Variants in TENM2 observed in about 807,000 individuals in gnomAD.
TENM2 encodes the protein teneurin transmembrane protein 2.
Under a neutral mutation model 245.2 loss-of-function variants are expected in TENM2, and 52 were observed. That is an observed-to-expected ratio of 0.21 (90% CI 0.17 to 0.27). The LOEUF (loss-of-function observed/expected upper bound fraction) is 0.27. TENM2 is among the 10% of genes least tolerant of loss of function. TENM2 has a pLI of 1.00. For synonymous variants in TENM2, 1,363 were observed against 1,438.9 expected, an observed-to-expected ratio of 0.95 and a Z score of 1.19; for missense variants, 3,046 against 3,666.8, an observed-to-expected ratio of 0.83 and a Z score of 4.37.
Position 168,226,070 on chromosome 5 carries a change from C to G in TENM2, c.5109-18C>G. The G allele has an allele frequency of 6.2e-7, 1 of 1,608,244 alleles. No homozygotes were observed. Among genetic ancestry groups the G allele is most frequent in the Non-Finnish European group, 8.5e-7 (1 of 1,177,570 alleles). ...CTGCTGCTAACCAGGGTTTATCTAT[C>G]TATCTATCTCCCCCCAGCTATGACC... On this transcript the variant is annotated intron_variant, in intron 23 of 28. Transcript: ENST00000518659.
intron 2 of TENM2, among the ~76,000 whole-genome samples, chr5:167,782,313 C>CAAAAAAAAAAA (rs767675565): frequency 3.4e-5 from 2 of 58,772 alleles, no homozygotes; most frequent in Admixed American, 1.8e-4. Context: ...AACTCTGTCT[C>CAAAAAAAAAAA]AAAAAAAAAA....
At chr5:167,345,613 A>G (rs1191741334) in intron 1 of TENM2, among the ~76,000 whole-genome samples, 1 of 152,218 alleles carries the variant, frequency 6.6e-6, no homozygotes, top group Non-Finnish European at 1.5e-5. Context: ...TTTGGTAAAA[A>G]TAAGGTTTTT....
chr5:167,366,727 T>A (rs1760076778), intron 1 of TENM2, among the ~76,000 whole-genome samples: 1 of 152,148 alleles, frequency 6.6e-6, no homozygotes, highest in Non-Finnish European at 1.5e-5. Context: ...TTTGAAGCCT[T>A]CAGTAACTGT....
chr5:168,030,499 G>T (rs571139666), intron 5 of TENM2, among the ~76,000 whole-genome samples: 4 of 152,248 alleles, frequency 2.6e-5, no homozygotes, highest in Admixed American at 2.6e-4. Flanking sequence ...TTTCTGATTT[G>T]CAGGTCTGGA....
At chr5:167,993,814 C>T (rs1043995230) in intron 5 of TENM2, among the ~76,000 whole-genome samples, 3 of 152,234 alleles carry the variant, frequency 2.0e-5, no homozygotes, top group African/African-American at 7.2e-5. Context: ...GAATCTGAAT[C>T]AGGGTCACCT....
chr5:167,109,572 G>A, the TENM2 span, among the ~76,000 whole-genome samples: 4 of 151,770 alleles, frequency 2.6e-5, no homozygotes, highest in Admixed American at 1.3e-4. Context: ...AAAGTGAATG[G>A]AACATCCATT....
chr5:168,201,611 A>G (rs1052276514), intron 17 of TENM2, among the ~76,000 whole-genome samples: 1 of 152,154 alleles, frequency 6.6e-6, no homozygotes, highest in African/African-American at 2.4e-5. Flanking sequence ...AAAAAAACAC[A>G]ATAATTCCCT....
the TENM2 span, among the ~76,000 whole-genome samples, chr5:167,035,764 C>G: frequency 6.6e-6 from 1 of 152,178 alleles, no homozygotes; most frequent in African/African-American, 2.4e-5. Flanking sequence ...ATTTAAGACA[C>G]AGTTTCACTC....
the TENM2 span, among the ~76,000 whole-genome samples, chr5:167,191,848 T>G: frequency 1.3e-5 from 2 of 151,926 alleles, no homozygotes; most frequent in African/African-American, 4.8e-5. Flanking sequence ...TGTTAAAAAT[T>G]CTCTTACTCC....
At chr5:167,656,890 T>G (rs994394542) in intron 2 of TENM2, among the ~76,000 whole-genome samples, 1 of 151,990 alleles carries the variant, frequency 6.6e-6, no homozygotes, top group Admixed American at 6.6e-5. Flanking sequence ...ACACATGTAA[T>G]GTATAGTGAT....
At chr5:167,785,608 G>C (rs1395455621) in intron 2 of TENM2, among the ~76,000 whole-genome samples, 1 of 152,160 alleles carries the variant, frequency 6.6e-6, no homozygotes, top group African/African-American at 2.4e-5. Flanking sequence ...CCCCAGGATA[G>C]GAACTTCATA....
In TENM2 at chr5:168,215,091, G is replaced by A. The variant is rs771296514; in HGVS notation, c.3897G>A (p.Ser1299=). ...TGGCAGTGGACCCCGTGTCCGGCTC[G>A]CTCTACGTGTCCGACACCAACAGCA... Residue 1299 remains serine, a synonymous_variant, in exon 21 of 29, where the codon TCG becomes TCA. Transcript: ENST00000518659. The A allele has an allele frequency of 6.8e-6, 11 of 1,613,684 alleles. No individual in the cohort carries two copies. In the East Asian group the frequency reaches 1.3e-4, roughly 20 times the overall value.
At chr5:167,422,789 T>C (rs1763588980) in intron 2 of TENM2, among the ~76,000 whole-genome samples, 1 of 152,124 alleles carries the variant, frequency 6.6e-6, no homozygotes, top group African/African-American at 2.4e-5. Context: ...GCAAGGAGCA[T>C]ACACTGTCAG....
chr5:167,688,231 T>G (rs923021140), intron 2 of TENM2, among the ~76,000 whole-genome samples: 2 of 152,212 alleles, frequency 1.3e-5, no homozygotes, highest in African/African-American at 2.4e-5. Context: ...CTGTGTGTAT[T>G]TTGAAACAGC....
intron 2 of TENM2, among the ~76,000 whole-genome samples, chr5:167,422,602 C>A (rs1223438403): frequency 1.3e-5 from 2 of 152,150 alleles, no homozygotes; most frequent in African/African-American, 4.8e-5. Flanking sequence ...CCCTTCCCTG[C>A]AAGAAGACAA....
At chr5:167,271,316 T>C in the TENM2 span, among the ~76,000 whole-genome samples, 5 of 151,992 alleles carry the variant, frequency 3.3e-5, no homozygotes, top group East Asian at 1.9e-4. Flanking sequence ...GGAGGAGAGC[T>C]GATGGGTCTG....
At chr5:167,130,906 TTTTTTTA>T in the TENM2 span, among the ~76,000 whole-genome samples, 4 of 148,746 alleles carry the variant, frequency 2.7e-5, no homozygotes, top group African/African-American at 7.6e-5. Flanking sequence ...TTTTTTTTTT[TTTTTTTA>T]AAAAAAAAAA....
At chr5:167,191,616 T>G in the TENM2 span, among the ~76,000 whole-genome samples, 11 of 151,998 alleles carry the variant, frequency 7.2e-5, no homozygotes, top group African/African-American at 2.7e-4. Context: ...ATTTTAGTAC[T>G]GAGGAAAGGA....
chr5:168,097,162 A>C (rs887476223), intron 8 of TENM2, among the ~76,000 whole-genome samples: 1 of 152,250 alleles, frequency 6.6e-6, no homozygotes, highest in African/African-American at 2.4e-5. Context: ...TTCTTTTATT[A>C]GAATTCCTTA....
Sources: gnomAD v4.1 joint callset for allele counts (sites outside exome capture counted in the v4.1 genomes callset) on GRCh38, gnomAD v4.1.1 for gene constraint, MANE v1.5 for transcripts, NCBI Gene and HGNC (gene_info 2026-07-23, HGNC 2026-07-21) for gene names.